Variants in MRTFA observed in about 807,000 individuals in gnomAD.
MRTFA encodes the protein myocardin-related transcription factor A.
In MRTFA, 20 loss-of-function variants were observed where a neutral mutation model predicts 83.5. The ratio of observed to expected loss-of-function variants is 0.24; its 90% CI spans 0.17 to 0.35. The LOEUF (loss-of-function observed/expected upper bound fraction) is 0.35, where lower values mean the gene tolerates loss of function less well. Among genes scored for constraint, MRTFA ranks in the 10% least tolerant of loss-of-function variants. MRTFA has a pLI of 1.00. For missense variants in MRTFA, 1,200 were observed against 1,224.7 expected, an observed-to-expected ratio of 0.98 and a Z score of 0.30; for synonymous variants, 659 against 541.2, an observed-to-expected ratio of 1.22 and a Z score of -3.02.
intron 4 of MRTFA, among the ~76,000 whole-genome samples, chr22:40,452,741 G>C (rs911343104): frequency 5.3e-5 from 8 of 149,982 alleles, no homozygotes; most frequent in African/African-American, 2.0e-4. Flanking sequence ...AGGAGGCAGA[G>C]GATTCAGTGA....
At chr22:40,545,160 T>C (rs2055343839) in intron 3 of MRTFA, among the ~76,000 whole-genome samples, 1 of 152,158 alleles carries the variant, frequency 6.6e-6, no homozygotes, top group Admixed American at 6.5e-5. Flanking sequence ...TAGACAGATG[T>C]TTCCAGGCTT....
intron 9 of MRTFA, among the ~76,000 whole-genome samples, chr22:40,422,327 G>C (rs1307925301): frequency 1.3e-5 from 2 of 152,246 alleles, no homozygotes; most frequent in Non-Finnish European, 2.9e-5. Context: ...CAGTACACTG[G>C]TGAGGTGACT....
chr22:40,501,986 C>A (rs1203069359), intron 3 of MRTFA, among the ~76,000 whole-genome samples: 1 of 128,620 alleles, frequency 7.8e-6, no homozygotes, highest in Non-Finnish European at 1.7e-5. Context: ...GGGGGGCTGA[C>A]CCCCCCACCT....
intron 3 of MRTFA, among the ~76,000 whole-genome samples, chr22:40,477,863 G>A (rs1002613723): frequency 3.3e-5 from 5 of 151,930 alleles, no homozygotes; most frequent in African/African-American, 1.2e-4. Flanking sequence ...AAAAAGAAAG[G>A]GAACTATTTT....
intron 4 of MRTFA, among the ~76,000 whole-genome samples, chr22:40,437,100 A>G (rs2053185751): frequency 6.6e-6 from 1 of 152,138 alleles, no homozygotes; most frequent in African/African-American, 2.4e-5. Context: ...CAGAAGGGGG[A>G]GCTCTAGATT....
At chr22:40,424,996 A>C (rs935526580) in intron 7 of MRTFA, among the ~76,000 whole-genome samples, 2 of 152,150 alleles carry the variant, frequency 1.3e-5, no homozygotes, top group Non-Finnish European at 2.9e-5. Flanking sequence ...CACAGGTGAA[A>C]TGGAGGTGGT....
intron 3 of MRTFA, among the ~76,000 whole-genome samples, chr22:40,550,858 T>C (rs1026554217): frequency 6.6e-6 from 1 of 150,448 alleles, no homozygotes; most frequent in Non-Finnish European, 1.5e-5. Flanking sequence ...TTTTCTTTTT[T>C]TTTTTTTTTT....
chr22:40,500,314 TTTC>T (rs1035369958), intron 3 of MRTFA, among the ~76,000 whole-genome samples: 5 of 136,854 alleles, frequency 3.7e-5, no homozygotes, highest in Non-Finnish European at 6.2e-5. Flanking sequence ...TTCATATTGC[TTTC>T]TTTTTTTTTG....
At chr22:40,441,889 G>C (rs1451158241) in intron 4 of MRTFA, among the ~76,000 whole-genome samples, 1 of 151,726 alleles carries the variant, frequency 6.6e-6, no homozygotes, top group East Asian at 1.9e-4. Context: ...AGCAAAGGAG[G>C]AGCTCAGTGC....
At chr22:40,511,369 A>G (rs2054664942) in intron 3 of MRTFA, among the ~76,000 whole-genome samples, 1 of 152,188 alleles carries the variant, frequency 6.6e-6, no homozygotes. Flanking sequence ...GTCACTGAGA[A>G]TGGCGATATC....
At chr22:40,467,299 T>C (rs774520168) in intron 3 of MRTFA, among the ~76,000 whole-genome samples, 11 of 152,212 alleles carry the variant, frequency 7.2e-5, no homozygotes, top group Admixed American at 2.0e-4. Context: ...AAACTCAGAA[T>C]TATGGCAGTC....
At chr22:40,550,463 AAACT>A (rs1182473204) in intron 3 of MRTFA, among the ~76,000 whole-genome samples, 1 of 152,196 alleles carries the variant, frequency 6.6e-6, no homozygotes, top group Non-Finnish European at 1.5e-5. Flanking sequence ...GAGAGCCTAA[AAACT>A]AACTCATGCA....
chr22:40,544,882 A>C (rs903237737), intron 3 of MRTFA, among the ~76,000 whole-genome samples: 9 of 152,048 alleles, frequency 5.9e-5, no homozygotes, highest in Non-Finnish European at 1.3e-4. Flanking sequence ...GGCCGCAGTG[A>C]GCACTATCCT....
At chr22:40,493,624 T>C (rs1327946000) in intron 3 of MRTFA, among the ~76,000 whole-genome samples, 1 of 152,238 alleles carries the variant, frequency 6.6e-6, no homozygotes, top group East Asian at 1.9e-4. Flanking sequence ...CATGTGGAGA[T>C]TGTTACTTGG....
chr22:40,475,100 A>G (rs1602303620), intron 3 of MRTFA, among the ~76,000 whole-genome samples: 1 of 151,850 alleles, frequency 6.6e-6, no homozygotes, highest in South Asian at 2.1e-4. Context: ...TGGCCTCCCA[A>G]CGTGCTGGGA....
chr22:40,524,606 G>A (rs1366254591), intron 3 of MRTFA, among the ~76,000 whole-genome samples: 4 of 152,132 alleles, frequency 2.6e-5, no homozygotes, highest in East Asian at 1.9e-4. Flanking sequence ...TGGTCAGAGG[G>A]AACAGTTTAA....
At chr22:40,618,426 C>T (rs1234750107) in intron 1 of MRTFA, among the ~76,000 whole-genome samples, 1 of 151,748 alleles carries the variant, frequency 6.6e-6, no homozygotes, top group Admixed American at 6.6e-5. Context: ...GATAAGGAGA[C>T]ATCTGAGCAA....
At chr22:40,538,441 A>T (rs1247922300) in intron 3 of MRTFA, among the ~76,000 whole-genome samples, 3 of 150,962 alleles carry the variant, frequency 2.0e-5, no homozygotes, top group Non-Finnish European at 4.4e-5. Flanking sequence ...AGAAGGCCGC[A>T]GGGTCCTCTG....
intron 3 of MRTFA, among the ~76,000 whole-genome samples, chr22:40,551,166 T>A (rs1810170739): frequency 6.6e-6 from 1 of 152,010 alleles, no homozygotes; most frequent in Non-Finnish European, 1.5e-5. Context: ...TCTTAAATAT[T>A]CCATAACAAA....
Sources: gnomAD v4.1 joint callset for allele counts (sites outside exome capture counted in the v4.1 genomes callset) on GRCh38, gnomAD v4.1.1 for gene constraint, MANE v1.5 for transcripts, NCBI Gene and HGNC (gene_info 2026-07-23, HGNC 2026-07-21) for gene names.